CUX2: variants seen among roughly 807,000 people sequenced by gnomAD.
CUX2 encodes the protein cut like homeobox 2, also known as homeobox protein cut-like 2.
In CUX2, 40 loss-of-function variants were observed where a neutral mutation model predicts 144.8. The ratio of observed to expected loss-of-function variants is 0.28; its 90% CI spans 0.21 to 0.36. CUX2 has a LOEUF of 0.36. Among genes scored for constraint, CUX2 ranks in the 10% least tolerant of loss-of-function variants. The pLI is 1.00. For missense variants in CUX2, 1,615 were observed against 1,994.0 expected, an observed-to-expected ratio of 0.81 and a Z score of 3.62; for synonymous variants, 827 against 875.6, an observed-to-expected ratio of 0.94 and a Z score of 0.98.
chr12:111,195,689 A>G (rs1880194944), intron 1 of CUX2, among the ~76,000 whole-genome samples: 1 of 152,194 alleles, frequency 6.6e-6, no homozygotes, highest in Non-Finnish European at 1.5e-5. Context: ...CACCGTAGCT[A>G]GGGACACAGA....
At chr12:111,169,250 C>T (rs1052665832) in intron 1 of CUX2, among the ~76,000 whole-genome samples, 4 of 151,938 alleles carry the variant, frequency 2.6e-5, no homozygotes, top group Non-Finnish European at 5.9e-5. Flanking sequence ...CAAGGATGGC[C>T]GCGACCACCA....
At chr12:111,236,806 T>G (rs1882775211) in intron 3 of CUX2, among the ~76,000 whole-genome samples, 1 of 152,242 alleles carries the variant, frequency 6.6e-6, no homozygotes, top group Admixed American at 6.5e-5. Flanking sequence ...TTAGTATTCT[T>G]TTCCATGAGG....
intron 1 of CUX2, among the ~76,000 whole-genome samples, chr12:111,053,102 C>G (rs183181229): frequency 1.7e-4 from 26 of 152,302 alleles, no homozygotes; most frequent in Admixed American, 9.8e-4. Context: ...TGCTCAGTGC[C>G]TCAGTTTTCT....
Position 111,034,210 on chromosome 12 carries a change from T to C in CUX2, c.33T>C (p.Tyr11=), listed in dbSNP as rs1440895085. Residue 11 remains tyrosine, a synonymous_variant, in exon 1 of 22, where the codon TAT becomes TAC. Coordinates refer to ENST00000261726, the MANE Select transcript of CUX2 (RefSeq NM_015267.4). This position sits in a 1 kb window ranked among gnomAD's most constrained non-coding sequence, Gnocchi z 4.2. The part of the protein sequence containing the change: MAANVGSMFQ[Y]WKRFDLRRLQ... ...CCAATGTGGGATCGATGTTTCAATA[T>C]TGGAAGCGATTTGATCTACGGCGAC... The C allele has an allele frequency of 7.1e-7, 1 of 1,399,334 alleles. No homozygotes were observed. Among genetic ancestry groups the C allele is most frequent in the Admixed American group, 2.0e-5 (1 of 50,660 alleles). 86.7% of individuals were successfully genotyped at this position (1,399,334 alleles called of 1,614,324 possible).
At chr12:111,122,927 T>C (rs1424687879) in intron 1 of CUX2, among the ~76,000 whole-genome samples, 1 of 152,220 alleles carries the variant, frequency 6.6e-6, no homozygotes, top group Non-Finnish European at 1.5e-5. Flanking sequence ...CCAGGAAGGT[T>C]ATGCATCGGC....
intron 3 of CUX2, among the ~76,000 whole-genome samples, chr12:111,243,722 A>T (rs1883143836): frequency 1.3e-5 from 2 of 151,942 alleles, no homozygotes; most frequent in African/African-American, 2.4e-5. Flanking sequence ...CCCTGGACTG[A>T]GGGGTTCCCG....
Position 111,034,249 on chromosome 12 carries a change from G to C in CUX2, c.63+9G>C, listed in dbSNP as rs367566718. On this transcript the variant is annotated intron_variant, in intron 1 of 21. Transcript: ENST00000261726. This position sits in a 1 kb window ranked among gnomAD's most constrained non-coding sequence, Gnocchi z 4.2. Reference sequence around the variant, plus strand: ...ATCTACGGCGACTCCAGGTTAGTGCGGGCAGCGCCGGCCGCGCGGCCGTGA... The same window carrying C: ...ATCTACGGCGACTCCAGGTTAGTGCCGGCAGCGCCGGCCGCGCGGCCGTGA... The C allele has an allele frequency of 5.9e-6, 8 of 1,351,806 alleles. No homozygotes were observed. Among genetic ancestry groups the C allele is most frequent in the Non-Finnish European group, 6.9e-6 (7 of 1,020,448 alleles). 83.7% of individuals were successfully genotyped at this position (1,351,806 alleles called of 1,614,324 possible).
chr12:111,140,867 C>A (rs1876270324), intron 1 of CUX2, among the ~76,000 whole-genome samples: 1 of 152,210 alleles, frequency 6.6e-6, no homozygotes. Context: ...AGTTTTATTT[C>A]CTTGGCTCAG....
At position 111,200,455 on chromosome 12, in the gene CUX2, C is replaced by A. The variant is rs139296671; in HGVS notation, c.64-13745C>A. Among the ~76,000 whole-genome samples the A allele has an allele frequency of 3.1e-3, 469 of 152,052 alleles. 2 individuals are homozygous for A. Among genetic ancestry groups the A allele is most frequent in the African/African-American group, 0.01 (431 of 41,438 alleles). On this transcript the variant is annotated intron_variant, in intron 1 of 21. Transcript: ENST00000261726. The stretch of plus-strand genomic sequence containing the variant: ...AAGAACTGTATCTCAGGACCCCGTA[C>A]AGCTTGATGTGAAATACACCCGGGA...
intron 1 of CUX2, among the ~76,000 whole-genome samples, chr12:111,142,544 A>C (rs1393602326): frequency 1.3e-5 from 2 of 152,004 alleles, no homozygotes; most frequent in East Asian, 1.9e-4. Context: ...AAAAAAAAAA[A>C]AAACAGAAAT....
intron 4 of CUX2, among the ~76,000 whole-genome samples, chr12:111,274,690 G>T (rs2136305806): frequency 6.6e-6 from 1 of 152,334 alleles, no homozygotes; most frequent in East Asian, 1.9e-4. Flanking sequence ...ATCAAAGTTA[G>T]TCTCGCTGCC....
chr12:111,203,560 GAAAAA>G (rs79337644), intron 1 of CUX2, among the ~76,000 whole-genome samples: 2 of 148,728 alleles, frequency 1.3e-5, no homozygotes, highest in Non-Finnish European at 3.0e-5. Context: ...AAAAAAAAAA[GAAAAA>G]AAAGAAAAAG....
At chr12:111,056,509 G>A (rs77100333) in intron 1 of CUX2, among the ~76,000 whole-genome samples, 1,811 of 152,336 alleles carry the variant, frequency 0.012, 36 homozygotes, top group African/African-American at 0.042. Flanking sequence ...GGGTCTCTCT[G>A]TGTGTTCTCC....
chr12:111,063,656 C>G (rs1030819367), intron 1 of CUX2, among the ~76,000 whole-genome samples: 2 of 152,214 alleles, frequency 1.3e-5, no homozygotes, highest in Non-Finnish European at 2.9e-5. Context: ...GGCAGGCTGG[C>G]TCCTGGAAGG....
chr12:111,286,846 G>A (rs143622723), intron 4 of CUX2, among the ~76,000 whole-genome samples: 4 of 152,166 alleles, frequency 2.6e-5, no homozygotes, highest in Non-Finnish European at 5.9e-5. Context: ...TCCAGCCTGG[G>A]CAACAGAGCA....
intron 3 of CUX2, among the ~76,000 whole-genome samples, chr12:111,221,182 G>A (rs1011625512): frequency 3.9e-5 from 6 of 152,064 alleles, no homozygotes; most frequent in African/African-American, 9.7e-5. Flanking sequence ...GCTTTCCATC[G>A]TCCCTTTAAT....
At chr12:111,054,947 C>T (rs1469217258) in intron 1 of CUX2, among the ~76,000 whole-genome samples, 1 of 152,160 alleles carries the variant, frequency 6.6e-6, no homozygotes, top group African/African-American at 2.4e-5. Context: ...TTAATATTCC[C>T]ATTTTGCAGA....
intron 1 of CUX2, among the ~76,000 whole-genome samples, chr12:111,046,034 G>T (rs1869979369): frequency 6.6e-6 from 1 of 152,214 alleles, no homozygotes; most frequent in African/African-American, 2.4e-5. Flanking sequence ...AGCTGCTCAG[G>T]TATCAGATGA....
At chr12:111,338,538 A>G (rs990746392) in intron 20 of CUX2, 64 bp downstream of exon 20, 8 of 1,490,742 alleles carry the variant, frequency 5.4e-6, no homozygotes, top group Non-Finnish European at 7.3e-6. Context: ...AACCATATCT[A>G]GCTGTAACCC....
Sources: allele counts gnomAD v4.1 joint callset (sites outside exome capture counted in the v4.1 genomes callset), GRCh38; gene constraint gnomAD v4.1.1; non-coding constraint Gnocchi (gnomAD v3.1); transcripts MANE v1.5; gene names NCBI Gene and HGNC (gene_info 2026-07-23, HGNC 2026-07-21).